LRRC8B: variants seen among roughly 807,000 people sequenced by gnomAD.
LRRC8B encodes leucine rich repeat containing 8 VRAC subunit B.
In LRRC8B, 23 loss-of-function variants were observed where a neutral mutation model predicts 58.8. The observed-to-expected ratio is 0.39, with a 90% CI of 0.28 to 0.55. The LOEUF is 0.55. LRRC8B is among the 20% of genes least tolerant of loss of function. The probability of loss-of-function intolerance (pLI) is 0.62; values close to 1 mark genes in which losing one functional copy is unlikely to be tolerated. For missense variants in LRRC8B, 694 were observed against 936.0 expected (o/e 0.74, Z 3.37); for synonymous variants, 359 against 374.1 (o/e 0.96, Z 0.47).
At position 89,597,628 on chromosome 1, in the gene LRRC8B, T is replaced by G. The variant is rs1275073135; in HGVS notation, c.*4585T>G. The G allele has an allele frequency of 2.6e-5, 4 of 152,316 alleles. No individual in the cohort carries two copies. In the East Asian group the frequency reaches 7.7e-4, roughly 29 times the overall value. The allele number at this position is 152,316 out of a possible 1,614,324, so 9.4% of individuals were successfully genotyped here. The stretch of plus-strand genomic sequence containing the variant: ...CTAGCATTTGTTAACCTTCACATAT[T>G]TATCTGTGTACAATTGTTTTTGCTT... On this transcript the variant is annotated 3_prime_UTR_variant, in exon 6 of 6. Coordinates refer to ENST00000330947, the MANE Select transcript of LRRC8B (RefSeq NM_001369817.2).
chr1:89,589,773 A>AG, intron 5 of LRRC8B, among the ~76,000 whole-genome samples: 1 of 151,278 alleles, frequency 6.6e-6, no homozygotes, highest in African/African-American at 2.4e-5. Flanking sequence ...GGCCAGAAAA[A>AG]AAAAAAAAAA....
At chr1:89,534,363 G>GAAAC (rs1650365452) in intron 1 of LRRC8B, among the ~76,000 whole-genome samples, 1 of 152,160 alleles carries the variant, frequency 6.6e-6, no homozygotes, top group Non-Finnish European at 1.5e-5. Context: ...ATCCGTTTAA[G>GAAAC]AAACGTATAA....
At chr1:89,527,222 A>G (rs1452237693) in intron 1 of LRRC8B, among the ~76,000 whole-genome samples, 1 of 152,210 alleles carries the variant, frequency 6.6e-6, no homozygotes, top group Non-Finnish European at 1.5e-5. Context: ...TTCTAATAGT[A>G]CCTGAGTATT....
At chr1:89,556,873 A>G (rs568848268) in intron 1 of LRRC8B, among the ~76,000 whole-genome samples, 68 of 152,280 alleles carry the variant, frequency 4.5e-4, no homozygotes, top group Non-Finnish European at 7.2e-4. Flanking sequence ...CTCTTGCCCA[A>G]TGCTTCATTC....
chr1:89,569,374 A>G (rs1056310926), intron 3 of LRRC8B, among the ~76,000 whole-genome samples: 3 of 152,118 alleles, frequency 2.0e-5, no homozygotes, highest in African/African-American at 7.2e-5. Context: ...GGTATATTGC[A>G]TGACACTGAT....
rs1449978712 is a variant in LRRC8B, at chr1:89,584,603, G to A, written c.1953G>A (p.Gln651=). The A allele has an allele frequency of 6.2e-7, 1 of 1,614,014 alleles. No individual in the cohort carries two copies. Among genetic ancestry groups the A allele is most frequent in the East Asian group, 2.2e-5 (1 of 44,896 alleles). The change falls in exon 5 of 6, where the codon CAG becomes CAA. Residue 651 remains glutamine, a synonymous_variant. Transcript: ENST00000330947. ...ATAACATTGCTTATATTCCTGCACAGATTGGGGCATTATCTAACCTAGAGC... is the reference window on the plus strand; with the variant it reads ...ATAACATTGCTTATATTCCTGCACAAATTGGGGCATTATCTAACCTAGAGC... ...WHNNIAYIPA[Q]IGALSNLEQL... is the part of the protein sequence containing the mutation.
intron 1 of LRRC8B, among the ~76,000 whole-genome samples, chr1:89,557,934 A>T (rs1652314323): frequency 6.6e-6 from 1 of 152,196 alleles, no homozygotes. Context: ...CACAGCAGTG[A>T]CTGCTGCTGA....
rs114498817 is a variant in LRRC8B at position 89,533,547 on chromosome 1, C to G, written c.-241+8525C>G. ...TAGGCTCCATTAAAGCATACCTTTT[C>G]TGAAAGACCCTTCCTGACACCTTCT... On this transcript the variant is annotated intron_variant, in intron 1 of 5. Coordinates refer to ENST00000330947, the MANE Select transcript of LRRC8B (RefSeq NM_001369817.2). Among the ~76,000 whole-genome samples the G allele has an allele frequency of 5.7e-3, 865 of 152,286 alleles. 9 individuals carry two copies. Among genetic ancestry groups the G allele is most frequent in the African/African-American group, 0.019 (792 of 41,534 alleles).
rs115199881 is a variant in LRRC8B at position 89,574,034 on chromosome 1, T to G, written c.-125+5541T>G. ...CATCTGCTTTTGTGTGCTTGAAACA[T>G]TCCTCTTAGATCTTAGTCTCTTGCT... On this transcript the variant is annotated intron_variant, in intron 3 of 5. Transcript: ENST00000330947. 9.8e-5 allele frequency among the ~76,000 whole-genome samples: 15 copies of G among 152,354 alleles called. No individual in the cohort carries two copies. The East Asian group carries it at 2.7e-3, about 27-fold the overall frequency.
chr1:89,597,424 A>C lies in LRRC8B; in HGVS notation c.*4381A>C, dbSNP rs545340431. On this transcript the variant is annotated 3_prime_UTR_variant, in exon 6 of 6. Transcript: ENST00000330947. ...CATTATCTCTAACAGAGATGGTGCA[A>C]TTTTAAGAATACAAAGGGGTATAGA... The C allele has an allele frequency of 6.6e-6, 1 of 152,340 alleles. No homozygotes were observed. Among genetic ancestry groups the C allele is most frequent in the Non-Finnish European group, 1.5e-5 (1 of 68,034 alleles). The allele number at this position is 152,340 out of a possible 1,614,324, so 9.4% of individuals were successfully genotyped here. A position where few individuals can be genotyped will look rare whatever the true frequency, so the allele number is the denominator to read the frequency against.
Position 89,583,742 on chromosome 1 carries a change from T to C in LRRC8B, c.1092T>C (p.Asn364=). 6 of 1,614,228 alleles carry C rather than the reference T, an allele frequency of 3.7e-6. No homozygotes were observed. The highest frequency in any genetic ancestry group is 5.1e-6 in the Non-Finnish European group (6 of 1,180,038). ...SNYSDIPDVK[N]DFAFILHLAD... is the part of the protein sequence containing the mutation. ...ACAGTGACATCCCTGATGTCAAGAATGACTTTGCCTTCATCCTTCATCTGG... is the reference window on the plus strand; with the variant it reads ...ACAGTGACATCCCTGATGTCAAGAACGACTTTGCCTTCATCCTTCATCTGG... Residue 364 remains asparagine (N), a synonymous_variant, in exon 5 of 6, where the codon AAT becomes AAC. Transcript: ENST00000330947. This position sits in a 1 kb window ranked among gnomAD's most constrained non-coding sequence, Gnocchi z 5.2.
intron 1 of LRRC8B, among the ~76,000 whole-genome samples, chr1:89,550,352 T>C (rs893921804): frequency 6.6e-6 from 1 of 152,182 alleles, no homozygotes; most frequent in African/African-American, 2.4e-5. Flanking sequence ...AAGTGGCAAA[T>C]TCTAACTTTT....
At chr1:89,573,858 C>G (rs561615517) in intron 3 of LRRC8B, among the ~76,000 whole-genome samples, 1 of 152,324 alleles carries the variant, frequency 6.6e-6, no homozygotes, top group African/African-American at 2.4e-5. Context: ...CTAAACATGG[C>G]TGCTAAGGCC....
At chr1:89,582,552 T>C in intron 4 of LRRC8B, 73 bp from the exon 5 acceptor site, 1 of 848,554 alleles carries the variant, frequency 1.2e-6, no homozygotes, top group Non-Finnish European at 1.9e-6. Context: ...AGGGCATGTG[T>C]GTATGAATAT....
intron 1 of LRRC8B, among the ~76,000 whole-genome samples, chr1:89,546,076 T>A (rs1651383886): frequency 1.3e-5 from 2 of 152,172 alleles, no homozygotes; most frequent in African/African-American, 2.4e-5. Context: ...GAATTTTTTT[T>A]AATAAAAATG....
intron 3 of LRRC8B, among the ~76,000 whole-genome samples, chr1:89,578,700 C>G (rs1433287044): frequency 1.3e-5 from 2 of 151,760 alleles, no homozygotes; most frequent in Admixed American, 1.3e-4. Flanking sequence ...ATTTGAAGTA[C>G]TTTTTAAAAA....
At chr1:89,563,009 C>G (rs1017863291) in intron 1 of LRRC8B, among the ~76,000 whole-genome samples, 3 of 152,000 alleles carry the variant, frequency 2.0e-5, no homozygotes, top group African/African-American at 7.3e-5. Context: ...GAATTATGAA[C>G]AAAGCAAATT....
rs1226608028 is a variant in LRRC8B, at chr1:89,541,553, T to C, written c.-241+16531T>C. On this transcript the variant is annotated intron_variant, in intron 1 of 5. Transcript: ENST00000330947. ...GGTGAAACCCCGTCTCTACTAAAAA[T>C]ACAAAACATTAGCCGGGCGTAGTGG... is the stretch of plus-strand genomic sequence containing the variant. Among the ~76,000 whole-genome samples the C allele has an allele frequency of 2.0e-5, 3 of 149,940 alleles. No individual in the cohort carries two copies. The East Asian group carries it at 5.9e-4, about 29-fold the overall frequency.
chr1:89,562,163 A>C (rs1652716131), intron 1 of LRRC8B, among the ~76,000 whole-genome samples: 2 of 151,562 alleles, frequency 1.3e-5, no homozygotes, highest in Admixed American at 6.6e-5. Context: ...ACACACACAC[A>C]CACACACACA....
Sources: allele counts gnomAD v4.1 joint callset (sites outside exome capture counted in the v4.1 genomes callset), GRCh38; gene constraint gnomAD v4.1.1; non-coding constraint Gnocchi (gnomAD v3.1); transcripts MANE v1.5; gene names NCBI Gene and HGNC (gene_info 2026-07-23, HGNC 2026-07-21).